REX1BD: variants seen among roughly 807,000 people sequenced by gnomAD.
The protein encoded by REX1BD is required for excision 1-B domain-containing protein.
In REX1BD, 22 loss-of-function variants were observed where a neutral mutation model predicts 24.4. The ratio of observed to expected loss-of-function variants is 0.90; its 90% CI spans 0.64 to 1.29. The LOEUF is 1.29. Among genes scored for constraint, REX1BD ranks in the 50% most tolerant of loss-of-function variants. REX1BD has a pLI of 0.00. For missense variants in REX1BD, 293 were observed against 285.3 expected, an observed-to-expected ratio of 1.03 and a Z score of -0.19; for synonymous variants, 146 against 125.9, an observed-to-expected ratio of 1.16 and a Z score of -1.07.
intron 4 of REX1BD, 196 bp downstream of exon 4, chr19:18,591,129 C>T: frequency 1.9e-6 from 1 of 536,566 alleles, no homozygotes; most frequent in South Asian, 2.4e-5. Context: ...TGGGACACTG[C>T]TGTATACCTC....
At chr19:18,589,379 T>A (rs1228534945) in intron 2 of REX1BD, 34 bp from the exon 3 acceptor site, 1 of 1,553,174 alleles carries the variant, frequency 6.4e-7, no homozygotes, top group Non-Finnish European at 8.7e-7. Context: ...TCCTCCCCTC[T>A]GGTGTCTGGG....
At position 18,592,213 on chromosome 19, in the gene REX1BD, G is replaced by A. The variant is rs745487081; in HGVS notation, c.*33G>A. 14 of 1,613,294 alleles carry A rather than the reference G, an allele frequency of 8.7e-6. No homozygotes were observed. The highest frequency in any genetic ancestry group is 3.4e-4 in the Middle Eastern group (2 of 5,966). On this transcript the variant is annotated 3_prime_UTR_variant, in exon 5 of 5. Coordinates refer to ENST00000358607, the MANE Select transcript of REX1BD (RefSeq NM_001100418.2). ...TCCCCAGGGATGCGCCGAGGGAGAT[G>A]GGAAACGGGGCGGATGGCGCCCAGC...
Position 18,592,172 on chromosome 19 carries a change from G to A in REX1BD, c.598G>A (p.Ala200Thr), listed in dbSNP as rs1042517336. 16 of 1,613,984 alleles carry A rather than the reference G, an allele frequency of 9.9e-6. No individual in the cohort carries two copies. Among genetic ancestry groups the A allele is most frequent in the Non-Finnish European group, 1.2e-5 (14 of 1,180,026 alleles). The change falls in exon 5 of 5, where the codon GCC becomes ACC. Residue 200 changes from alanine (A) to threonine (T), a missense_variant. Transcript: ENST00000358607. ...LQDLRFDAES[A>T]E ...GGACCTTAGGTTTGATGCGGAATCTGCCGAGTGATGGCGGCTCCCCAGGGA... is the reference window on the plus strand; with the variant it reads ...GGACCTTAGGTTTGATGCGGAATCTACCGAGTGATGGCGGCTCCCCAGGGA...
intron 4 of REX1BD, 42 bp from the exon 5 acceptor site, chr19:18,592,066 C>A (rs1428508189): frequency 6.2e-7 from 1 of 1,611,680 alleles, no homozygotes; most frequent in Admixed American, 1.7e-5. Context: ...AGCTAATTCA[C>A]CCCATCTGGG....
At chr19:18,590,750 C>A in intron 3 of REX1BD, 104 bp from the exon 4 acceptor site, 1 of 1,094,314 alleles carries the variant, frequency 9.1e-7, no homozygotes, top group Non-Finnish European at 1.3e-6. Context: ...TCTACCCGGG[C>A]ACTGCCTTTC....
chr19:18,590,831 C>A, intron 3 of REX1BD, 23 bp from the exon 4 acceptor site: 1 of 1,592,440 alleles, frequency 6.3e-7, no homozygotes. Flanking sequence ...AGACATCCTT[C>A]GTGTTGCTCA....
rs1461977678 is a variant in REX1BD, at chr19:18,589,656, G to A, written c.426G>A (p.Gln142=). 5.3e-6 allele frequency: 8 copies of A among 1,497,014 alleles called. No individual in the cohort carries two copies. The highest frequency in any genetic ancestry group is 7.1e-6 in the Non-Finnish European group (8 of 1,131,342). 92.7% of individuals were successfully genotyped at this position (1,497,014 alleles called of 1,614,324 possible). Residue 142 remains glutamine, a synonymous_variant, in exon 3 of 5, where the codon CAG becomes CAA. Coordinates refer to ENST00000358607, the MANE Select transcript of REX1BD (RefSeq NM_001100418.2). ...PLLAGHVRSL[Q]ELEQTRLGTV... Reference sequence around the variant, plus strand: ...TCGCCGGCCACGTGCGCAGCCTGCAGGAGCTGGAGCAGACGCGGCTGGGCA... The same window carrying A: ...TCGCCGGCCACGTGCGCAGCCTGCAAGAGCTGGAGCAGACGCGGCTGGGCA...
intron 3 of REX1BD, 50 bp from the exon 4 acceptor site, chr19:18,590,804 G>A: frequency 1.3e-6 from 2 of 1,543,592 alleles, no homozygotes; most frequent in Non-Finnish European, 1.8e-6. Flanking sequence ...AGGGCAGGGG[G>A]TGGGTTCTGC....
In REX1BD at chr19:18,589,533, G is replaced by A. The variant is rs1468787021; in HGVS notation, c.303G>A (p.Arg101=). ...CTGACTACGACTTCGCGCGCTACCG[G>A]AGCACAGTGCACGGGGTGACCCAGG... ...SGPDYDFARY[R]STVHGVTQAF... The change falls in exon 3 of 5, where the codon CGG becomes CGA. Residue 101 remains arginine, a synonymous_variant. Coordinates refer to ENST00000358607, the MANE Select transcript of REX1BD (RefSeq NM_001100418.2). 6.3e-7 allele frequency: 1 copy of A among 1,579,148 alleles called. No individual in the cohort carries two copies. The highest frequency in any genetic ancestry group is 8.6e-7 in the Non-Finnish European group (1 of 1,169,230).
chr19:18,591,138 T>C (rs1030481660), intron 4 of REX1BD: 2 of 512,848 alleles, frequency 3.9e-6, no homozygotes, highest in Non-Finnish European at 3.4e-6. Context: ...GCTGTATACC[T>C]CGACACATGC....
chr19:18,590,615 GT>G, intron 3 of REX1BD: 2 of 467,118 alleles, frequency 4.3e-6, no homozygotes, highest in Non-Finnish European at 7.7e-6. Context: ...AGACGTCACT[GT>G]TGTTCCCAGG....
intron 3 of REX1BD, chr19:18,590,009 C>T (rs1374255902): frequency 2.1e-5 from 7 of 335,980 alleles, no homozygotes; most frequent in East Asian, 1.6e-4. Context: ...TAGGGTCCCA[C>T]CCTCAACCTC....
Position 18,589,448 on chromosome 19 carries a change from G to A in REX1BD, c.218G>A (p.Gly73Glu). Residue 73 changes from glycine (G) to glutamate (E), a missense_variant, in exon 3 of 5, where the codon GGG (glycine) becomes GAG (glutamate). Transcript: ENST00000358607. ...LAPVQGLRAW[G>E]RGLRVPTCRR... ...CCGGTGCAGGGCCTGAGAGCCTGGG[G>A]GCGCGGCCTCAGGGTCCCCACATGC... is the stretch of plus-strand genomic sequence containing the variant. 1 of 1,558,454 alleles carries A rather than the reference G, an allele frequency of 6.4e-7. No individual in the cohort carries two copies. The highest frequency in any genetic ancestry group is 2.4e-5 in the East Asian group (1 of 41,488).
rs2145317638 is a variant in REX1BD at position 18,589,095 on chromosome 19, G to A, written c.182+18G>A. ...CTGGAGGAGTGAGTGGGGGCGCGGA[G>A]GGGCTCAGGGTTCGGTCCCCCGCCC... On this transcript the variant is annotated intron_variant, in intron 2 of 4. Coordinates refer to ENST00000358607, the MANE Select transcript of REX1BD (RefSeq NM_001100418.2). 2.0e-6 allele frequency: 3 copies of A among 1,486,686 alleles called. No individual in the cohort carries two copies. The highest frequency in any genetic ancestry group is 2.5e-5 in the East Asian group (1 of 40,182). 92.1% of individuals were successfully genotyped at this position (1,486,686 alleles called of 1,614,324 possible). A position where few individuals can be genotyped will look rare whatever the true frequency, so the allele number is the denominator to read the frequency against.
At chr19:18,589,896 T>C (rs1262018508) in intron 3 of REX1BD, 2 of 658,418 alleles carry the variant, frequency 3.0e-6, no homozygotes, top group Non-Finnish European at 4.7e-6. Flanking sequence ...TTTGTCCTTA[T>C]TCCCAGAGCA....
chr19:18,590,213 TG>T (rs66762461), intron 3 of REX1BD: 1,834 of 56,158 alleles, frequency 0.033, 47 homozygotes, highest in East Asian at 0.1. Context: ...TTCTTTCTGG[TG>T]TTTTTTTTTT....
In REX1BD at chr19:18,589,599, A is replaced by C. The variant is rs775422486; in HGVS notation, c.369A>C (p.Ala123=). Residue 123 remains alanine, a synonymous_variant, in exon 3 of 5, where the codon GCA becomes GCC. Coordinates refer to ENST00000358607, the MANE Select transcript of REX1BD (RefSeq NM_001100418.2). ...AASREVLAVE[A]ELGGPRRQPL... is the part of the protein sequence containing the mutation. ...CGCGGGAGGTGCTGGCGGTGGAAGCAGAGCTGGGCGGGCCTCGCAGGCAGC... is the reference window on the plus strand; with the variant it reads ...CGCGGGAGGTGCTGGCGGTGGAAGCCGAGCTGGGCGGGCCTCGCAGGCAGC... 2.6e-6 allele frequency: 4 copies of C among 1,540,812 alleles called. No homozygotes were observed. The highest frequency in any genetic ancestry group is 2.4e-5 in the East Asian group (1 of 41,066).
intron 3 of REX1BD, chr19:18,590,068 T>G: frequency 1.3e-5 from 3 of 222,666 alleles, no homozygotes; most frequent in Non-Finnish European, 2.6e-5. Context: ...CTCCGTATTA[T>G]TCCTCCATCA....
intron 3 of REX1BD, 117 bp from the exon 4 acceptor site, chr19:18,590,737 G>C (rs1976023522): frequency 1.1e-6 from 1 of 902,204 alleles, no homozygotes; most frequent in Non-Finnish European, 1.7e-6. Context: ...TGCCCCTCGT[G>C]GTTCTACCCG....
Sources: gnomAD v4.1 joint callset for allele counts on GRCh38, gnomAD v4.1.1 for gene constraint, MANE v1.5 for transcripts, NCBI Gene and HGNC (gene_info 2026-07-23, HGNC 2026-07-21) for gene names.